NTRK2: variants seen among roughly 807,000 people sequenced by gnomAD.
The protein encoded by NTRK2 is BDNF/NT-3 growth factors receptor.
In NTRK2, 13 loss-of-function variants were observed where a neutral mutation model predicts 94.5. The ratio of observed to expected loss-of-function variants is 0.14; its 90% CI spans 0.09 to 0.22. The LOEUF is 0.22. NTRK2 is among the 10% of genes least tolerant of loss of function. The pLI is 1.00. For synonymous variants in NTRK2, 372 were observed against 407.4 expected (o/e 0.91, Z 1.05); for missense variants, 639 against 1,071.2 (o/e 0.60, Z 5.63).
chr9:84,893,393 G>C (rs2076653055), intron 14 of NTRK2, among the ~76,000 whole-genome samples: 2 of 152,180 alleles, frequency 1.3e-5, no homozygotes, highest in South Asian at 2.1e-4. Flanking sequence ...GAGACCCTCT[G>C]CTCCTCTCCT....
chr9:84,873,889 A>ATT lies in NTRK2; in HGVS notation c.1633+6460_1633+6461dup, dbSNP rs973989941. On this transcript the variant is annotated intron_variant, in intron 14 of 18. Coordinates refer to ENST00000277120, the MANE Select transcript of NTRK2 (RefSeq NM_006180.6). ...AGAAAAACAAAAATAAAGATTATGG[A>ATT]TTTAGGTCAGGGAGACAGAGTGATA... The ATT allele has an allele frequency of 1.5e-5, 16 of 1,061,704 alleles. No homozygotes were observed. In the African/African-American group the frequency reaches 2.1e-4, roughly 14 times the overall value. 65.8% of individuals were successfully genotyped at this position (1,061,704 alleles called of 1,614,324 possible). A position where few individuals can be genotyped will look rare whatever the true frequency, so the allele number is the denominator to read the frequency against.
chr9:84,889,087 T>G (rs1221997055), intron 14 of NTRK2, among the ~76,000 whole-genome samples: 3 of 142,270 alleles, frequency 2.1e-5, no homozygotes, highest in Non-Finnish European at 4.5e-5. Context: ...GCCTCCCGGG[T>G]TCACGCCATT....
chr9:84,983,898 G>A lies in NTRK2; in HGVS notation c.2172+28381G>A, dbSNP rs905802814. Among the ~76,000 whole-genome samples the A allele has an allele frequency of 3.9e-5, 6 of 152,182 alleles. 1 individual carries two copies. Among genetic ancestry groups the A allele is most frequent in the Admixed American group, 3.3e-4 (5 of 15,284 alleles). ...TCACACCCTGTCTGACAATTATGGT[G>A]GAAGACATGGGACAGTGGGTCTTGG... On this transcript the variant is annotated intron_variant, in intron 17 of 18. Transcript: ENST00000277120.
At chr9:84,669,160 A>T (rs1184600931), upstream of NTRK2, 1 of 152,312 alleles carries the variant, frequency 6.6e-6, no homozygotes, top group African/African-American at 2.4e-5. The surrounding 1 kb of genome is among the most constrained non-coding windows in gnomAD (Gnocchi z 4.1). Context: ...TTGGTTACCA[A>T]TGCAGAACAC....
chr9:84,706,703 A>T (rs1041465738), intron 4 of NTRK2, among the ~76,000 whole-genome samples: 3 of 150,346 alleles, frequency 2.0e-5, no homozygotes, highest in Admixed American at 6.6e-5. Context: ...AATTTTTAGT[A>T]TTTTTTTTAG....
chr9:84,871,826 TG>T, intron 14 of NTRK2: 1 of 1,613,720 alleles, frequency 6.2e-7, no homozygotes, highest in Non-Finnish European at 8.5e-7. Flanking sequence ...GATAATAATT[TG>T]GTATTTGGAG....
chr9:84,939,970 A>G (rs2132785070), intron 15 of NTRK2, among the ~76,000 whole-genome samples: 1 of 152,314 alleles, frequency 6.6e-6, no homozygotes, highest in Non-Finnish European at 1.5e-5. Context: ...CTCAAAAGAA[A>G]GAGAGCTCCT....
In NTRK2 at chr9:84,906,851, G is replaced by A. The variant is rs563301128; in HGVS notation, c.1634-27311G>A. ...GCTTTGCTTCTTTAAGTATTCCTTT[G>A]TAAGTTGTGTGTATCAATAGACAAC... is the stretch of plus-strand genomic sequence containing the variant. On this transcript the variant is annotated intron_variant, in intron 14 of 18. Transcript: ENST00000277120. Among the ~76,000 whole-genome samples, 405 of 152,294 alleles carry A rather than the reference G, an allele frequency of 2.7e-3. 1 individual carries two copies. The highest frequency in any genetic ancestry group is 4.3e-3 in the Non-Finnish European group (294 of 68,026).
chr9:84,764,748 A>T (rs1014539215), intron 12 of NTRK2, among the ~76,000 whole-genome samples: 1 of 152,174 alleles, frequency 6.6e-6, no homozygotes, highest in Non-Finnish European at 1.5e-5. Flanking sequence ...TACGGAAGAG[A>T]TATCCACACT....
intron 15 of NTRK2, among the ~76,000 whole-genome samples, chr9:84,938,759 TAG>T (rs1300882748): frequency 1.3e-5 from 2 of 151,802 alleles, no homozygotes; most frequent in Non-Finnish European, 2.9e-5. Flanking sequence ...TTTTGATAAA[TAG>T]AGAGTTGCAC....
chr9:84,912,744 A>G (rs2077277243), intron 14 of NTRK2, among the ~76,000 whole-genome samples: 1 of 150,648 alleles, frequency 6.6e-6, no homozygotes, highest in Non-Finnish European at 1.5e-5. Context: ...CAGCCTCCCA[A>G]GTAGCTGCGA....
chr9:84,684,340 G>A (rs1382116559), intron 2 of NTRK2, among the ~76,000 whole-genome samples: 1 of 152,140 alleles, frequency 6.6e-6, no homozygotes, highest in African/African-American at 2.4e-5. Context: ...TTACATTTAG[G>A]CCTTTAATCC....
At chr9:84,673,625 T>C (rs1187327) in intron 2 of NTRK2, among the ~76,000 whole-genome samples, 76,612 of 151,966 alleles carry the variant, frequency 0.5, 20,480 homozygotes, top group East Asian at 0.59. Flanking sequence ...CCCTTAGGGT[T>C]CTAAGAACAC....
At chr9:84,850,219 AC>A (rs2074692905) in intron 12 of NTRK2, among the ~76,000 whole-genome samples, 2 of 152,058 alleles carry the variant, frequency 1.3e-5, no homozygotes, top group Admixed American at 6.6e-5. Flanking sequence ...GAAAAAAAAA[AC>A]AAAAAAACAA....
intron 14 of NTRK2, chr9:84,872,610 T>G: frequency 9.4e-7 from 1 of 1,064,822 alleles, no homozygotes; most frequent in African/African-American, 1.6e-5. Flanking sequence ...TGACTTTTTT[T>G]TTTTCAACTT....
chr9:84,725,898 C>G (rs977859386), intron 8 of NTRK2, among the ~76,000 whole-genome samples: 5 of 152,122 alleles, frequency 3.3e-5, no homozygotes, highest in Admixed American at 1.3e-4. Context: ...CAGAGTTCAG[C>G]TGCACAGGTG....
rs186079673 is a variant in NTRK2, at chr9:84,738,853, G to T, written c.1160-3039G>T. 1.9e-3 allele frequency among the ~76,000 whole-genome samples: 290 copies of T among 152,194 alleles called. 1 individual carries two copies. The highest frequency in any genetic ancestry group is 6.3e-3 in the African/African-American group (261 of 41,534). Reference sequence around the variant, plus strand: ...GTTTCATAATCTTACACTAAATTTGGCTGTTGTGGACAAAAGTAAAGTGAC... The same window carrying T: ...GTTTCATAATCTTACACTAAATTTGTCTGTTGTGGACAAAAGTAAAGTGAC... On this transcript the variant is annotated intron_variant, in intron 9 of 18. Coordinates refer to ENST00000277120, the MANE Select transcript of NTRK2 (RefSeq NM_006180.6).
chr9:84,813,010 T>C (rs201406797), intron 12 of NTRK2: 1 of 1,035,974 alleles, frequency 9.7e-7, no homozygotes, highest in Non-Finnish European at 1.2e-6. Context: ...TTCTGTACTC[T>C]AGACCACCCC....
At chr9:84,820,822 A>G (rs1778913) in intron 12 of NTRK2, among the ~76,000 whole-genome samples, 113,044 of 152,088 alleles carry the variant, frequency 0.74, 42,369 homozygotes, top group East Asian at 0.86. Context: ...CCTAATGGTA[A>G]TGTGTATAAT....
Sources: allele counts gnomAD v4.1 joint callset (sites outside exome capture counted in the v4.1 genomes callset), GRCh38; gene constraint gnomAD v4.1.1; non-coding constraint Gnocchi (gnomAD v3.1); transcripts MANE v1.5; gene names NCBI Gene and HGNC (gene_info 2026-07-23, HGNC 2026-07-21).